STRC: variants seen among roughly 807,000 people sequenced by gnomAD.
The protein encoded by STRC is stereocilin.
Under a neutral mutation model 103.5 loss-of-function variants are expected in STRC, and 43 were observed. That is an observed-to-expected ratio of 0.42 (90% confidence interval 0.33 to 0.54). STRC has a LOEUF of 0.54. Ranked by LOEUF, STRC falls within the 20% of genes least tolerant of loss-of-function variation. The pLI, the probability that STRC is intolerant of heterozygous loss-of-function variation, is 0.14. For synonymous variants in STRC, 186 were observed against 442.3 expected, an observed-to-expected ratio of 0.42 and a Z score of 7.27; for missense variants, 499 against 1,088.5, an observed-to-expected ratio of 0.46 and a Z score of 7.62.
Position 43,601,449 on chromosome 15 carries a change from C to A in STRC, c.4648G>T (p.Asp1550Tyr). ...CCCAGGGTGCTCAGCACTCCCCAGT[C>A]CACTAGGATCAGCTCCTGTAGTTCC... ...DRELQELILV[D>Y]WGVLSTLGQI... The change falls in exon 24 of 29, where the codon GAC (aspartate) becomes TAC (tyrosine). Residue 1550 changes from aspartate to tyrosine, a missense_variant. Asp to Tyr is a radical substitution (Grantham distance 160). Transcript: ENST00000450892. 5.6e-6 allele frequency: 9 copies of A among 1,613,772 alleles called. No homozygotes were observed. Among genetic ancestry groups the A allele is most frequent in the Non-Finnish European group, 3.4e-6 (4 of 1,179,836 alleles).
In STRC at chr15:43,611,000, T is replaced by TTGCGTGTGTG. The variant is rs2085742952; in HGVS notation, c.3307-17_3307-16insCACACACGCA. 1 of 1,104,026 alleles carries TTGCGTGTGTG rather than the reference T, an allele frequency of 9.1e-7. No homozygotes were observed. Among genetic ancestry groups the TTGCGTGTGTG allele is most frequent in the Non-Finnish European group, 1.3e-6 (1 of 785,878 alleles). 68.4% of individuals were successfully genotyped at this position (1,104,026 alleles called of 1,614,324 possible). ...CATCTTTAACCTGCATGAGAATTGG[T>TTGCGTGTGTG]TGTGTGTGTGTGTGTGTGTGTGTGT... is the stretch of plus-strand genomic sequence containing the variant. On this transcript the variant is annotated splice_polypyrimidine_tract_variant and intron_variant, in intron 13 of 28. Coordinates refer to ENST00000450892, the MANE Select transcript of STRC (RefSeq NM_153700.2).
intron 22 of STRC, among the ~76,000 whole-genome samples, 187 bp downstream of exon 22, chr15:43,603,809 C>G (rs770043839): frequency 6.6e-6 from 1 of 151,940 alleles, no homozygotes; most frequent in Non-Finnish European, 1.5e-5. Context: ...TAAAAGAAAA[C>G]TTAATAGTTT....
At chr15:43,602,295 C>T (rs12050645) in intron 23 of STRC, among the ~76,000 whole-genome samples, 6,615 of 151,828 alleles carry the variant, frequency 0.044, 379 homozygotes, top group East Asian at 0.15. Flanking sequence ...ATTCTCCTAC[C>T]CCAGCCTCCT....
chr15:43,617,258 T>TA (rs1363102933), intron 3 of STRC, among the ~76,000 whole-genome samples, 200 bp downstream of exon 3: 99 of 84,756 alleles, frequency 1.2e-3, no homozygotes, highest in Non-Finnish European at 1.7e-3. Context: ...GAAACTGAGG[T>TA]ATAGAAAGAC....
intron 18 of STRC, among the ~76,000 whole-genome samples, chr15:43,606,367 C>T (rs1380027855): frequency 4.7e-5 from 5 of 106,764 alleles, no homozygotes; most frequent in East Asian, 6.4e-4. Context: ...TTTGGGAGGC[C>T]GAGGCAGGCA....
At position 43,608,122 on chromosome 15, in the gene STRC, C is replaced by T. The variant is rs1431142924; in HGVS notation, c.3639G>A (p.Val1213=). ...TAGTGGGCAGCTGATAGATCATGTG[C>T]ACCACTTCAAGGAAGTCTACCATGG... ...INSMVDFLEV[V]HMIYQLPTRV... The change falls in exon 17 of 29, where the codon GTG becomes GTA. Residue 1213 remains valine, a synonymous_variant. Coordinates refer to ENST00000450892, the MANE Select transcript of STRC (RefSeq NM_153700.2). 6.2e-7 allele frequency: 1 copy of T among 1,608,546 alleles called. No homozygotes were observed. The highest frequency in any genetic ancestry group is 8.5e-7 in the Non-Finnish European group (1 of 1,179,074).
In STRC at chr15:43,605,003, C is replaced by T. The variant is rs2260105; in HGVS notation, c.3931-157G>A. ...TTTGTTCACTTCCTTAAGCAATGAG[C>T]CCAGATAGGAGCAGGCAGAAAGACT... On this transcript the variant is annotated intron_variant, in intron 19 of 28. Transcript: ENST00000450892. 6.3e-6 allele frequency: 8 copies of T among 1,277,278 alleles called. No homozygotes were observed. The African/African-American group carries it at 1.2e-4, about 19-fold the overall frequency. The allele number at this position is 1,277,278 out of a possible 1,614,324, so 79.1% of individuals were successfully genotyped here.
In STRC at chr15:43,600,641, G is replaced by C. The variant is rs775159378; in HGVS notation, c.4886C>G (p.Ser1629Cys). 7.8e-5 allele frequency: 126 copies of C among 1,613,746 alleles called. 2 individuals carry two copies. In the Middle Eastern group the frequency reaches 1.3e-3, roughly 17 times the overall value. The change falls in exon 26 of 29, where the codon TCT (serine) becomes TGT (cysteine). Residue 1629 changes from serine (S) to cysteine (C), a missense_variant. By Grantham distance (112) the Ser-to-Cys change is moderately radical. Transcript: ENST00000450892. ...LFLGTLHLQCSEEQLEVLAHL... is the reference protein window; with the variant it reads ...LFLGTLHLQCCEEQLEVLAHL... ...GGCCAGAACCTCCAGTTGTTCCTCAGAGCACTGGAGATGCAGGGTGCCGAG... is the reference window on the plus strand; with the variant it reads ...GGCCAGAACCTCCAGTTGTTCCTCACAGCACTGGAGATGCAGGGTGCCGAG...
At chr15:43,605,646 TA>T (rs2085707285) in intron 18 of STRC, among the ~76,000 whole-genome samples, 1 of 134,472 alleles carries the variant, frequency 7.4e-6, no homozygotes, top group Non-Finnish European at 1.6e-5. Context: ...CTACCTGATC[TA>T]ATGGACTCAA....
Position 43,604,078 on chromosome 15 carries a change from C to A in STRC, c.4293G>T (p.Gln1431His). The change falls in exon 22 of 29, where the codon CAG (glutamine) becomes CAT (histidine). Residue 1431 changes from glutamine (Q) to histidine (H), a missense_variant. Transcript: ENST00000450892. ...QQSWEQSRVG[Q>H]LCREPQLAAK... is the part of the protein sequence containing the mutation. ...CAGCAAGCTGTGGCTCCCTACACAG[C>A]TGTCCAACTCTGCTCTGCTCCCAGC... 6.2e-7 allele frequency: 1 copy of A among 1,613,320 alleles called. No individual in the cohort carries two copies. The highest frequency in any genetic ancestry group is 2.2e-5 in the East Asian group (1 of 44,862).
At chr15:43,610,082 T>C in intron 15 of STRC, 1 of 605,260 alleles carries the variant, frequency 1.7e-6, no homozygotes, top group South Asian at 1.8e-5. Flanking sequence ...CCTGTCGTCC[T>C]AGCTATTCAG....
intron 18 of STRC, among the ~76,000 whole-genome samples, chr15:43,606,878 C>T (rs1430225613): frequency 1.1e-5 from 1 of 88,932 alleles, no homozygotes; most frequent in African/African-American, 4.4e-5. Context: ...TGCACACCTA[C>T]AGTCCCAGCT....
At chr15:43,601,128 C>A (rs2085663971) in intron 24 of STRC, 114 bp from the exon 25 acceptor site, 2 of 901,932 alleles carry the variant, frequency 2.2e-6, no homozygotes, top group Non-Finnish European at 1.7e-6. Context: ...CCTAAGGAGT[C>A]ATGGGGAAGG....
At chr15:43,604,227 G>A in intron 21 of STRC, 75 bp from the exon 22 acceptor site, 1 of 1,602,786 alleles carries the variant, frequency 6.2e-7, no homozygotes. Context: ...TAAGTCCAAA[G>A]TCCTGTCTCT....
chr15:43,609,490 CGA>C lies in STRC; in HGVS notation c.3499-158_3499-157del. ...CTCTCCCAGATGCCCACTCTTCTCT[CGA>C]GAGTGAGAAAGAAATGAAAGAAAAG... On this transcript the variant is annotated intron_variant, in intron 15 of 28. Transcript: ENST00000450892. The C allele has an allele frequency of 5.9e-6, 4 of 678,270 alleles. No individual in the cohort carries two copies. The Middle Eastern group carries it at 8.3e-4, about 141-fold the overall frequency. The allele number at this position is 678,270 out of a possible 1,614,324, so 42.0% of individuals were successfully genotyped here.
At chr15:43,602,109 G>A (rs1378699928) in intron 23 of STRC, among the ~76,000 whole-genome samples, 11 of 120,028 alleles carry the variant, frequency 9.2e-5, no homozygotes, top group East Asian at 2.9e-4. Context: ...GTGACAGAGT[G>A]AGACTCTGTC....
rs77169024 is a variant in STRC at position 43,603,438 on chromosome 15, G to A, written c.4376-27C>T. 1,585 of 1,608,654 alleles carry A rather than the reference G, an allele frequency of 9.9e-4. 30 individuals are homozygous for A. In the African/African-American group the frequency reaches 0.02, roughly 20 times the overall value. On this transcript the variant is annotated intron_variant, in intron 22 of 28. Coordinates refer to ENST00000450892, the MANE Select transcript of STRC (RefSeq NM_153700.2). ...TGAAGGGGGAAGGCAGGGCCAGGAGGTCAGCGCAGTAATAAAATATGCCCA... is the reference window on the plus strand; with the variant it reads ...TGAAGGGGGAAGGCAGGGCCAGGAGATCAGCGCAGTAATAAAATATGCCCA...
At chr15:43,600,813 T>A (rs2085660119) in intron 25 of STRC, 59 bp downstream of exon 25, 1 of 1,613,588 alleles carries the variant, frequency 6.2e-7, no homozygotes, top group Non-Finnish European at 8.5e-7. Context: ...TGATCCTTCT[T>A]TCCCCAGTAA....
chr15:43,611,690 GA>G (rs1351273391), intron 11 of STRC, 151 bp downstream of exon 11: 1 of 487,038 alleles, frequency 2.1e-6, no homozygotes. Flanking sequence ...TTGATCTGAG[GA>G]AAGGGAATGA....
Sources: allele counts gnomAD v4.1 joint callset (sites outside exome capture counted in the v4.1 genomes callset), GRCh38; gene constraint gnomAD v4.1.1; transcripts MANE v1.5; gene names NCBI Gene and HGNC (gene_info 2026-07-23, HGNC 2026-07-21).